The following DMD variants were observed in gnomAD, a reference collection of about 807,000 sequenced individuals.
The protein encoded by DMD is dystrophin.
A neutral mutation model predicts 330.1 loss-of-function variants in DMD; 63 were observed. The observed-to-expected ratio is 0.19, with a 90% CI of 0.16 to 0.24. DMD has a LOEUF of 0.24. DMD is among the 10% of genes least tolerant of loss of function. DMD has a pLI of 1.00. For synonymous variants in DMD, 1,223 were observed against 959.8 expected, an observed-to-expected ratio of 1.27 and a Z score of -5.07; for missense variants, 3,344 against 2,684.1, an observed-to-expected ratio of 1.25 and a Z score of -5.43.
intron 2 of DMD, among the ~76,000 whole-genome samples, chrX:32,884,028 T>TCAAAACCAGAAAAC (rs1290037724): frequency 1.7e-4 from 19 of 109,610 alleles, no homozygotes; most frequent in South Asian, 1.2e-3. Flanking sequence ...TTTGATGTAC[T>TCAAAACCAGAAAAC]CTATCCCTTG....
intron 57 of DMD, among the ~76,000 whole-genome samples, chrX:31,487,510 CACATTTTTAAG>C (rs2068911325): frequency 8.9e-6 from 1 of 111,760 alleles, no homozygotes; most frequent in Non-Finnish European, 1.9e-5. Context: ...CCTCGGTTAA[CACATTTTTAAG>C]TGCACAAATC....
chrX:31,495,467 G>A (rs2069745040), intron 57 of DMD, among the ~76,000 whole-genome samples: 3 of 111,571 alleles, frequency 2.7e-5, no homozygotes, highest in Admixed American at 1.9e-4. Flanking sequence ...TAGGGTCTTG[G>A]AGGTGAACAA....
intron 30 of DMD, among the ~76,000 whole-genome samples, chrX:32,391,177 A>G (rs1449214773): frequency 9.0e-6 from 1 of 111,543 alleles, no homozygotes; most frequent in Non-Finnish European, 1.9e-5. Flanking sequence ...CGGTCAAATC[A>G]TTCTAATTTA....
At position 32,567,974 on chromosome X, in the gene DMD, C is replaced by G. The variant is rs769241731; in HGVS notation, c.1813-2093G>C. ...ACTTACTTACTCAGAATGTTAGAAA[C>G]TATTTTAAATAGCCATATGTGTAAG... On this transcript the variant is annotated intron_variant, in intron 15 of 78. Transcript: ENST00000357033. Among the ~76,000 whole-genome samples the G allele has an allele frequency of 6.3e-5, 7 of 111,521 alleles. No individual in the cohort carries two copies. In the South Asian group the frequency reaches 1.9e-3, roughly 30 times the overall value.
chrX:31,999,054 G>A (rs374700984), intron 44 of DMD, among the ~76,000 whole-genome samples: 12 of 111,687 alleles, frequency 1.1e-4, no homozygotes, highest in African/African-American at 3.2e-4. Flanking sequence ...ATGATTATCA[G>A]TACAAATTTA....
chrX:32,758,316 G>A (rs1316524800), intron 7 of DMD, among the ~76,000 whole-genome samples: 1 of 111,464 alleles, frequency 9.0e-6, no homozygotes. Context: ...GCCAGAGAGG[G>A]AAGATGATGC....
chrX:31,818,272 G>C (rs1278652544), intron 50 of DMD, among the ~76,000 whole-genome samples: 3 of 112,074 alleles, frequency 2.7e-5, no homozygotes, highest in Non-Finnish European at 5.6e-5. Flanking sequence ...TGAAAGGAGA[G>C]ACTTTTATTC....
intron 13 of DMD, among the ~76,000 whole-genome samples, chrX:32,575,828 G>A (rs1408849980): frequency 8.9e-6 from 1 of 111,890 alleles, no homozygotes; most frequent in Admixed American, 9.5e-5. Flanking sequence ...GAAGAAGACA[G>A]TCAAGGGAAG....
intron 65 of DMD, 63 bp downstream of exon 65, chrX:31,209,435 C>T: frequency 9.2e-7 from 1 of 1,086,192 alleles, no homozygotes; most frequent in East Asian, 3.0e-5. Context: ...AATTACACTT[C>T]ACCATTCTGT....
chrX:32,618,604 T>A (rs955562957), intron 11 of DMD, among the ~76,000 whole-genome samples: 4 of 110,661 alleles, frequency 3.6e-5, no homozygotes, highest in Admixed American at 9.7e-5. Flanking sequence ...ACAATAAACT[T>A]CCATGACACA....
intron 7 of DMD, among the ~76,000 whole-genome samples, chrX:32,715,877 A>G (rs2065666604): frequency 8.9e-6 from 1 of 111,789 alleles, no homozygotes; most frequent in Admixed American, 9.5e-5. Flanking sequence ...AATAAGCAAG[A>G]CACAGAAAGA....
rs1398232453 is a variant in DMD, at chrX:32,170,010, A to C, written c.6438+46906T>G. 5.4e-5 allele frequency among the ~76,000 whole-genome samples: 6 copies of C among 111,620 alleles called. No homozygotes were observed. In the East Asian group the frequency reaches 1.7e-3, roughly 31 times the overall value. Reference sequence around the variant, plus strand: ...TTTAATTTTAATGTTGTGATAAGCTATTTTTCTAAATGATTTTCCACATAA... The same window carrying C: ...TTTAATTTTAATGTTGTGATAAGCTCTTTTTCTAAATGATTTTCCACATAA... On this transcript the variant is annotated intron_variant, in intron 44 of 78. Transcript: ENST00000357033.
At chrX:33,241,336 G>C (rs767987935) in intron 1 of DMD, among the ~76,000 whole-genome samples, 2 of 111,958 alleles carry the variant, frequency 1.8e-5, no homozygotes, top group African/African-American at 6.5e-5. Flanking sequence ...GGATATACCT[G>C]GTACCATTGT....
intron 67 of DMD, among the ~76,000 whole-genome samples, chrX:31,185,359 A>G (rs1036251888): frequency 2.7e-5 from 3 of 111,320 alleles, no homozygotes; most frequent in Non-Finnish European, 5.7e-5. Flanking sequence ...TATTTCTCTG[A>G]ACAGGACTTC....
intron 17 of DMD, among the ~76,000 whole-genome samples, chrX:32,526,912 A>G (rs781581922): frequency 8.9e-6 from 1 of 112,241 alleles, no homozygotes; most frequent in Admixed American, 9.5e-5. Flanking sequence ...ACACATTTAC[A>G]TAAATTTTAA....
At chrX:32,036,752 G>A (rs975911715) in intron 44 of DMD, among the ~76,000 whole-genome samples, 3 of 111,912 alleles carry the variant, frequency 2.7e-5, no homozygotes, top group Admixed American at 9.5e-5. Flanking sequence ...TGTCAAGTAA[G>A]AGGAAAAGAG....
chrX:31,300,512 A>G (rs943503913), intron 62 of DMD, among the ~76,000 whole-genome samples: 1 of 112,113 alleles, frequency 8.9e-6, no homozygotes, highest in Non-Finnish European at 1.9e-5. Flanking sequence ...AGGGTACTGC[A>G]CTTGGGAAGA....
chrX:32,585,265 TAGC>T (rs943762887), intron 13 of DMD, among the ~76,000 whole-genome samples: 8 of 112,051 alleles, frequency 7.1e-5, no homozygotes, highest in African/African-American at 2.6e-4. Context: ...TAATGTTCGA[TAGC>T]AGAGTAGGAA....
At chrX:31,153,273 T>C (rs2037677682) in intron 74 of DMD, among the ~76,000 whole-genome samples, 2 of 112,202 alleles carry the variant, frequency 1.8e-5, no homozygotes, top group South Asian at 7.4e-4. Flanking sequence ...ATATAAGCTG[T>C]AGACCCTTGC....
Sources: gnomAD v4.1 joint callset for allele counts (sites outside exome capture counted in the v4.1 genomes callset) on GRCh38, gnomAD v4.1.1 for gene constraint, MANE v1.5 for transcripts, NCBI Gene and HGNC (gene_info 2026-07-23, HGNC 2026-07-21) for gene names.